RBMS3: variants seen among roughly 807,000 people sequenced by gnomAD.
RBMS3 encodes the protein RNA binding motif single stranded interacting protein 3.
A neutral mutation model predicts 66.8 loss-of-function variants in RBMS3; 27 were observed. The observed-to-expected ratio is 0.40, with a 90% CI of 0.30 to 0.56. The LOEUF (loss-of-function observed/expected upper bound fraction) is 0.56, where lower values mean the gene tolerates loss of function less well. Ranked by LOEUF, RBMS3 falls within the 20% of genes least tolerant of loss-of-function variation. The pLI, the probability that RBMS3 is intolerant of heterozygous loss-of-function variation, is 0.40. For synonymous variants in RBMS3, 188 were observed against 183.0 expected (o/e 1.03, Z -0.22); for missense variants, 513 against 549.5 (o/e 0.93, Z 0.66).
At chr3:29,601,891 G>T (rs2048157726) in intron 4 of RBMS3, among the ~76,000 whole-genome samples, 1 of 152,056 alleles carries the variant, frequency 6.6e-6, no homozygotes, top group African/African-American at 2.4e-5. Flanking sequence ...GTGAGCATAG[G>T]CTGTGAGGTC....
intron 6 of RBMS3, among the ~76,000 whole-genome samples, chr3:29,786,447 C>G (rs944476356): frequency 3.3e-5 from 5 of 152,162 alleles, no homozygotes; most frequent in African/African-American, 1.2e-4. Flanking sequence ...TCAAACTATA[C>G]TACAAGGCCA....
intron 3 of RBMS3, among the ~76,000 whole-genome samples, chr3:29,491,235 C>G (rs1008490224): frequency 6.6e-6 from 1 of 152,142 alleles, no homozygotes; most frequent in Non-Finnish European, 1.5e-5. Flanking sequence ...ATCCTTACAT[C>G]AGCTCCTAAA....
At chr3:29,916,386 T>C (rs2060638641) in intron 10 of RBMS3, among the ~76,000 whole-genome samples, 1 of 152,022 alleles carries the variant, frequency 6.6e-6, no homozygotes, top group South Asian at 2.1e-4. Flanking sequence ...TTAAAGAGCA[T>C]ATGCTTTTTC....
intron 2 of RBMS3, among the ~76,000 whole-genome samples, chr3:29,466,959 CATTG>C (rs1447925588): frequency 6.6e-6 from 1 of 152,134 alleles, no homozygotes; most frequent in Non-Finnish European, 1.5e-5. Flanking sequence ...ATAAGACTGG[CATTG>C]ATTTAGTCTT....
chr3:29,755,100 A>G (rs772910811), intron 5 of RBMS3, among the ~76,000 whole-genome samples: 1 of 152,214 alleles, frequency 6.6e-6, no homozygotes, highest in Non-Finnish European at 1.5e-5. Context: ...TTCCAGAGTC[A>G]TTAATGGTAT....
At position 29,468,102 on chromosome 3, in the gene RBMS3, A is replaced by G. The variant is rs528123768; in HGVS notation, c.249-20339A>G. 3.3e-5 allele frequency among the ~76,000 whole-genome samples: 5 copies of G among 152,244 alleles called. No homozygotes were observed. The East Asian group carries it at 9.7e-4, about 29-fold the overall frequency. The stretch of plus-strand genomic sequence containing the variant: ...TGTGGTCTCATCTATATAAATGTAT[A>G]TATGTGACAATGAAAATGGCTTCAG... On this transcript the variant is annotated intron_variant, in intron 2 of 14. Transcript: ENST00000383767.
intron 3 of RBMS3, among the ~76,000 whole-genome samples, chr3:29,514,659 A>ATATATATATATATATATATATT (rs2044544116): frequency 7.0e-6 from 1 of 142,228 alleles, no homozygotes; most frequent in African/African-American, 2.7e-5. Flanking sequence ...ACATATATAT[A>ATATATATATATATATATATATT]TATATATATA....
intron 1 of RBMS3, among the ~76,000 whole-genome samples, chr3:29,413,372 T>TCATA (rs10530714): frequency 0.091 from 10,043 of 109,858 alleles, 408 homozygotes; most frequent in South Asian, 0.12. Flanking sequence ...TCCATCTCAT[T>TCATA]CATACATACA....
chr3:29,851,940 C>T (rs1268354043), intron 6 of RBMS3, among the ~76,000 whole-genome samples: 2 of 152,166 alleles, frequency 1.3e-5, no homozygotes, highest in Non-Finnish European at 2.9e-5. Flanking sequence ...TACTACATAG[C>T]TACAGTAACC....
chr3:29,999,700 T>C (rs1272494362), intron 14 of RBMS3, among the ~76,000 whole-genome samples: 5 of 151,738 alleles, frequency 3.3e-5, no homozygotes, highest in Admixed American at 2.6e-4. Context: ...TAGGTGGGAA[T>C]TGAACAATGA....
At chr3:29,565,800 G>A (rs3773086) in intron 3 of RBMS3, among the ~76,000 whole-genome samples, 13,045 of 152,128 alleles carry the variant, frequency 0.086, 612 homozygotes, top group African/African-American at 0.11. Flanking sequence ...AAACTTTTAT[G>A]TCCAACATCT....
At chr3:29,329,652 A>G (rs1331388040) in intron 1 of RBMS3, among the ~76,000 whole-genome samples, 1 of 151,962 alleles carries the variant, frequency 6.6e-6, no homozygotes, top group Admixed American at 6.6e-5. Context: ...TGCCTATTCA[A>G]AGAAAATGAA....
chr3:29,534,474 AG>A (rs928206985), intron 3 of RBMS3, among the ~76,000 whole-genome samples: 5 of 152,230 alleles, frequency 3.3e-5, no homozygotes, highest in Non-Finnish European at 7.3e-5. Context: ...ACTCTGTAAT[AG>A]GGAAGAAAAC....
At chr3:29,430,654 A>C (rs1317106277) in intron 1 of RBMS3, among the ~76,000 whole-genome samples, 1 of 152,296 alleles carries the variant, frequency 6.6e-6, no homozygotes, top group East Asian at 1.9e-4. Flanking sequence ...GTAAACACAT[A>C]TTGATCATCC....
chr3:29,956,596 G>A (rs1291607326), intron 12 of RBMS3, among the ~76,000 whole-genome samples: 4 of 152,002 alleles, frequency 2.6e-5, no homozygotes, highest in African/African-American at 9.7e-5. Flanking sequence ...AAAAAGTGGG[G>A]GAGGTAATAC....
chr3:29,672,354 A>G (rs6793243), intron 4 of RBMS3, among the ~76,000 whole-genome samples: 18,297 of 152,186 alleles, frequency 0.12, 2,463 homozygotes, highest in African/African-American at 0.33. Flanking sequence ...AAAGACCATC[A>G]ATGCTAGGAA....
rs370153938 is a variant in RBMS3, at chr3:29,966,689, C to T, written c.1099-21454C>T. On this transcript the variant is annotated intron_variant, in intron 12 of 14. Transcript: ENST00000383767. Reference sequence around the variant, plus strand: ...TGATTTGGATGCCCTTTATTTATTTCTCTTGTCTGATTGCTCTGGCTAGGA... The same window carrying T: ...TGATTTGGATGCCCTTTATTTATTTTTCTTGTCTGATTGCTCTGGCTAGGA... Among the ~76,000 whole-genome samples the T allele has an allele frequency of 5.3e-5, 8 of 152,238 alleles. No homozygotes were observed. The South Asian group carries it at 1.7e-3, about 32-fold the overall frequency.
chr3:29,419,309 A>G (rs1218070637), intron 1 of RBMS3, among the ~76,000 whole-genome samples: 2 of 152,154 alleles, frequency 1.3e-5, no homozygotes, highest in Non-Finnish European at 2.9e-5. Flanking sequence ...TCAAGGAGTA[A>G]TTGTCACTGG....
intron 7 of RBMS3, among the ~76,000 whole-genome samples, chr3:29,882,296 A>G (rs564630405): frequency 2.0e-5 from 3 of 152,134 alleles, no homozygotes; most frequent in African/African-American, 7.2e-5. Flanking sequence ...TGACACCACT[A>G]TCTTCTTGCC....
Sources: allele counts gnomAD v4.1 joint callset (sites outside exome capture counted in the v4.1 genomes callset), GRCh38; gene constraint gnomAD v4.1.1; transcripts MANE v1.5; gene names NCBI Gene and HGNC (gene_info 2026-07-23, HGNC 2026-07-21).